The following NRXN3 variants were observed in gnomAD, a reference collection of about 807,000 sequenced individuals.
NRXN3 encodes neurexin III.
NRXN3 carries 32 observed loss-of-function variants against 137.6 expected under a neutral mutation model. The ratio of observed to expected loss-of-function variants is 0.23; its 90% CI spans 0.18 to 0.31. NRXN3 has a LOEUF of 0.31. Among genes scored for constraint, NRXN3 ranks in the 10% least tolerant of loss-of-function variants. NRXN3 has a pLI of 1.00. For synonymous variants in NRXN3, 798 were observed against 784.5 expected (o/e 1.02, Z -0.29); for missense variants, 1,574 against 2,062.5 (o/e 0.76, Z 4.59).
chr14:78,187,358 G>T (rs1041449329), intron 1 of NRXN3, among the ~76,000 whole-genome samples: 5 of 151,780 alleles, frequency 3.3e-5, no homozygotes, highest in South Asian at 2.1e-4. Context: ...TGCAGACTTG[G>T]GTAGGTAACT....
At chr14:78,286,140 G>A (rs150739955) in intron 3 of NRXN3, among the ~76,000 whole-genome samples, 214 of 152,270 alleles carry the variant, frequency 1.4e-3, no homozygotes, top group Non-Finnish European at 2.4e-3. Flanking sequence ...AGTTCTGGAG[G>A]GCAAGGCCAG....
At chr14:79,448,741 T>C (rs1251681998) in intron 15 of NRXN3, among the ~76,000 whole-genome samples, 1 of 152,176 alleles carries the variant, frequency 6.6e-6, no homozygotes, top group Admixed American at 6.5e-5. Context: ...ATGTACACAC[T>C]TATGTATATA....
chr14:79,049,625 A>G (rs192036226), intron 15 of NRXN3, among the ~76,000 whole-genome samples: 149 of 152,264 alleles, frequency 9.8e-4, no homozygotes, highest in Middle Eastern at 6.8e-3. Context: ...AAGGTTTTTA[A>G]TTTACTTTGC....
chr14:78,893,379 A>G (rs2099164805), intron 10 of NRXN3, among the ~76,000 whole-genome samples: 2 of 151,878 alleles, frequency 1.3e-5, no homozygotes, highest in Admixed American at 1.3e-4. Flanking sequence ...CCTTCTATTG[A>G]CTAATCTCTC....
At chr14:78,383,969 A>G (rs17107468) in intron 4 of NRXN3, among the ~76,000 whole-genome samples, 4,307 of 152,298 alleles carry the variant, frequency 0.028, 178 homozygotes, top group African/African-American at 0.093. Flanking sequence ...GTAAAAGCCA[A>G]TTGGTCCTGT....
chr14:79,282,409 C>T (rs576625958), intron 15 of NRXN3, among the ~76,000 whole-genome samples: 6 of 151,992 alleles, frequency 3.9e-5, no homozygotes, highest in Admixed American at 2.0e-4. Flanking sequence ...ATCTTTTGTT[C>T]GGGTTGTAAA....
chr14:79,212,666 A>G (rs2067850427), intron 15 of NRXN3, among the ~76,000 whole-genome samples: 2 of 152,134 alleles, frequency 1.3e-5, no homozygotes, highest in African/African-American at 4.8e-5. Flanking sequence ...ATGCCCCTCA[A>G]AAGGAGACAA....
intron 4 of NRXN3, among the ~76,000 whole-genome samples, chr14:78,530,870 C>T (rs34920418): frequency 6.6e-6 from 1 of 151,920 alleles, no homozygotes; most frequent in Admixed American, 6.6e-5. Flanking sequence ...GATACATTGT[C>T]CCCACCCCTG....
intron 4 of NRXN3, among the ~76,000 whole-genome samples, chr14:78,407,275 A>G (rs913211990): frequency 2.6e-5 from 4 of 152,174 alleles, no homozygotes; most frequent in African/African-American, 9.7e-5. Flanking sequence ...AGGAACCAGG[A>G]GACATGAGTT....
chr14:78,389,924 A>G (rs2090530455), intron 4 of NRXN3, among the ~76,000 whole-genome samples: 1 of 152,218 alleles, frequency 6.6e-6, no homozygotes, highest in African/African-American at 2.4e-5. Context: ...AAACAAAATT[A>G]CTTATATTTG....
At chr14:79,169,718 G>A (rs369143834) in intron 15 of NRXN3, among the ~76,000 whole-genome samples, 1 of 152,212 alleles carries the variant, frequency 6.6e-6, no homozygotes, top group South Asian at 2.1e-4. Context: ...ATTCACAGGG[G>A]TAAAGATAGA....
chr14:79,422,995 G>T (rs1372952228), intron 15 of NRXN3, among the ~76,000 whole-genome samples: 1 of 152,114 alleles, frequency 6.6e-6, no homozygotes, highest in African/African-American at 2.4e-5. Flanking sequence ...ACCGCGCCCG[G>T]CCTAGTCACA....
At chr14:79,495,125 G>C (rs1193988780) in intron 16 of NRXN3, among the ~76,000 whole-genome samples, 1 of 152,132 alleles carries the variant, frequency 6.6e-6, no homozygotes, top group Non-Finnish European at 1.5e-5. Flanking sequence ...AGCAGACACA[G>C]TAGTCTAGGA....
intron 6 of NRXN3, among the ~76,000 whole-genome samples, chr14:78,654,667 G>T (rs77236682): frequency 0.021 from 3,163 of 152,280 alleles, 133 homozygotes; most frequent in African/African-American, 0.073. Flanking sequence ...TTATCAATAT[G>T]CAGTTTGTGT....
intron 15 of NRXN3, among the ~76,000 whole-genome samples, chr14:79,357,222 A>G (rs920091429): frequency 1.3e-5 from 2 of 152,242 alleles, no homozygotes; most frequent in African/African-American, 2.4e-5. Context: ...CATGTGATCT[A>G]TGCCCTCCAT....
At chr14:79,477,790 G>T (rs2096572977) in intron 16 of NRXN3, among the ~76,000 whole-genome samples, 1 of 152,064 alleles carries the variant, frequency 6.6e-6, no homozygotes. Context: ...GATGCATATA[G>T]GAAGGTAATG....
intron 10 of NRXN3, among the ~76,000 whole-genome samples, chr14:78,824,917 A>G (rs1463712105): frequency 6.6e-6 from 1 of 152,188 alleles, no homozygotes; most frequent in East Asian, 1.9e-4. Context: ...AAAATATTTC[A>G]TATACTCAAT....
intron 4 of NRXN3, among the ~76,000 whole-genome samples, chr14:78,394,498 T>G (rs996226177): frequency 6.6e-6 from 1 of 151,900 alleles, no homozygotes; most frequent in Non-Finnish European, 1.5e-5. Flanking sequence ...AGGTTTTTTG[T>G]GTCTATATTT....
chr14:79,620,127 A>T (rs1367682543), intron 16 of NRXN3, among the ~76,000 whole-genome samples: 1 of 152,106 alleles, frequency 6.6e-6, no homozygotes, highest in Non-Finnish European at 1.5e-5. Flanking sequence ...CCAAGAAGAA[A>T]TGTGGATATA....
Sources: gnomAD v4.1 joint callset for allele counts (sites outside exome capture counted in the v4.1 genomes callset) on GRCh38, gnomAD v4.1.1 for gene constraint, MANE v1.5 for transcripts, NCBI Gene and HGNC (gene_info 2026-07-23, HGNC 2026-07-21) for gene names.